STON1: variants seen among roughly 807,000 people sequenced by gnomAD.
STON1 encodes stonin-1.
A neutral mutation model predicts 60.9 loss-of-function variants in STON1; 79 were observed. That is an observed-to-expected ratio of 1.30 (90% CI 1.08 to 1.56). The LOEUF is 1.56. Among genes scored for constraint, STON1 ranks in the 40% most tolerant of loss-of-function variants. The probability of loss-of-function intolerance (pLI) is 0.00; values close to 1 mark genes in which losing one functional copy is unlikely to be tolerated. For synonymous variants in STON1, 363 were observed against 306.9 expected (o/e 1.18, Z -1.91); for missense variants, 1,166 against 858.9 (o/e 1.36, Z -4.47).
chr2:48,564,465 TTCTTC>T (rs1672769661), intron 1 of STON1, among the ~76,000 whole-genome samples: 5 of 55,606 alleles, frequency 9.0e-5, no homozygotes, highest in African/African-American at 3.4e-4. Flanking sequence ...CTTCTTCTTC[TTCTTC>T]TTCTTCTTCT....
chr2:48,579,781 G>C (rs1572629227), intron 1 of STON1, among the ~76,000 whole-genome samples: 1 of 152,132 alleles, frequency 6.6e-6, no homozygotes, highest in East Asian at 1.9e-4. Flanking sequence ...CTTCTGTCTG[G>C]ATGTTCTGTG....
intron 2 of STON1, among the ~76,000 whole-genome samples, chr2:48,585,901 G>A (rs1674182532): frequency 6.6e-6 from 1 of 152,226 alleles, no homozygotes; most frequent in Non-Finnish European, 1.5e-5. Flanking sequence ...AGCAGTTTTT[G>A]CATAGACTTG....
At chr2:48,582,906 G>T (rs1342159778) in intron 2 of STON1, among the ~76,000 whole-genome samples, 3 of 152,176 alleles carry the variant, frequency 2.0e-5, no homozygotes, top group African/African-American at 7.2e-5. Context: ...TTCTAATATA[G>T]CTGAGATTCC....
rs761973127 is a variant in STON1 at position 48,591,662 on chromosome 2, A to T, written c.1940A>T (p.His647Leu). Residue 647 changes from histidine (H) to leucine (L), a missense_variant, in exon 3 of 4, where the codon CAT becomes CTT. By Grantham distance (99) the His-to-Leu change is moderately conservative (BLOSUM62 -3). Coordinates refer to ENST00000404752, the MANE Select transcript of STON1 (RefSeq NM_006873.4). ...RLPDKNSSLD[H>L]PHCLSYKLEL... ...TTTTTTTTCCCTCGAGGTCTAGATC[A>T]TCCCCATTGTCTGTCATACAAATTA... The T allele has an allele frequency of 1.2e-6, 2 of 1,613,950 alleles. No individual in the cohort carries two copies.
At chr2:48,583,872 C>T (rs890618065) in intron 2 of STON1, among the ~76,000 whole-genome samples, 1 of 151,960 alleles carries the variant, frequency 6.6e-6, no homozygotes, top group Non-Finnish European at 1.5e-5. Flanking sequence ...CTGCCTCAGC[C>T]TCCGGAGTAG....
chr2:48,549,150 G>A (rs763024057), intron 1 of STON1, among the ~76,000 whole-genome samples: 63 of 152,102 alleles, frequency 4.1e-4, no homozygotes, highest in Admixed American at 1.2e-3. Flanking sequence ...GAATTTATCC[G>A]GGAAACAATC....
At chr2:48,560,009 A>C (rs565430407) in intron 1 of STON1, among the ~76,000 whole-genome samples, 1 of 152,306 alleles carries the variant, frequency 6.6e-6, no homozygotes, top group Non-Finnish European at 1.5e-5. Flanking sequence ...TTAGGGTATT[A>C]AATATCCTTT....
chr2:48,560,562 C>G (rs1672567153), intron 1 of STON1, among the ~76,000 whole-genome samples: 1 of 152,166 alleles, frequency 6.6e-6, no homozygotes. Context: ...TTCTGAAGGC[C>G]AGGGGTGGGC....
intron 2 of STON1, among the ~76,000 whole-genome samples, chr2:48,583,594 C>G (rs1674023434): frequency 6.7e-6 from 1 of 148,428 alleles, no homozygotes; most frequent in Non-Finnish European, 1.5e-5. Context: ...GAGCTCTTTC[C>G]TATTTTAGTT....
intron 1 of STON1, among the ~76,000 whole-genome samples, chr2:48,538,532 G>T (rs1455237707): frequency 6.7e-6 from 1 of 148,350 alleles, no homozygotes; most frequent in Non-Finnish European, 1.5e-5. Context: ...TATAAATATT[G>T]CCTCTATCTT....
At chr2:48,564,004 G>A (rs774706076) in intron 1 of STON1, among the ~76,000 whole-genome samples, 9 of 151,978 alleles carry the variant, frequency 5.9e-5, no homozygotes, top group Non-Finnish European at 1.2e-4. Flanking sequence ...TGCCCTCCAC[G>A]TGGGTTCTTA....
At chr2:48,557,107 T>G (rs1672402254) in intron 1 of STON1, among the ~76,000 whole-genome samples, 1 of 98,366 alleles carries the variant, frequency 1.0e-5, no homozygotes, top group Non-Finnish European at 2.1e-5. Flanking sequence ...ACGGGGTGGC[T>G]GCCGGGCGGA....
intron 1 of STON1, among the ~76,000 whole-genome samples, chr2:48,532,172 A>AC (rs1558558868): frequency 6.6e-6 from 1 of 151,978 alleles, no homozygotes; most frequent in African/African-American, 2.4e-5. Flanking sequence ...ACCTGATGAA[A>AC]CCCCGTCTCT....
intron 1 of STON1, among the ~76,000 whole-genome samples, chr2:48,564,446 C>A (rs1410888246): frequency 7.7e-5 from 4 of 51,816 alleles, no homozygotes; most frequent in East Asian, 4.7e-4. Context: ...TCTTCTTCTT[C>A]TTCTTCTTCT....
intron 1 of STON1, among the ~76,000 whole-genome samples, chr2:48,550,993 T>A (rs1488537734): frequency 6.6e-6 from 1 of 151,802 alleles, no homozygotes; most frequent in African/African-American, 2.4e-5. Flanking sequence ...GTAACTATTT[T>A]TTCTTTCTTT....
intron 1 of STON1, among the ~76,000 whole-genome samples, chr2:48,574,657 G>A (rs1022768152): frequency 2.2e-4 from 34 of 152,126 alleles, no homozygotes; most frequent in African/African-American, 7.5e-4. Context: ...TTTGATAAAC[G>A]AGATTGTGAA....
chr2:48,578,150 T>G (rs1673625900), intron 1 of STON1, among the ~76,000 whole-genome samples: 1 of 151,954 alleles, frequency 6.6e-6, no homozygotes, highest in Admixed American at 6.6e-5. Context: ...AATTTTTTTG[T>G]ATTTATAGTA....
At chr2:48,543,153 C>T (rs1226924833) in intron 1 of STON1, among the ~76,000 whole-genome samples, 1 of 151,610 alleles carries the variant, frequency 6.6e-6, no homozygotes, top group Admixed American at 6.6e-5. Flanking sequence ...TTTTGTATTT[C>T]TAGTAGAGAT....
intron 1 of STON1, among the ~76,000 whole-genome samples, chr2:48,559,469 C>T (rs1672520129): frequency 6.6e-6 from 1 of 152,152 alleles, no homozygotes; most frequent in South Asian, 2.1e-4. Context: ...TAATTCTGTT[C>T]ATAAGGTCAG....
Sources: allele counts gnomAD v4.1 joint callset (sites outside exome capture counted in the v4.1 genomes callset), GRCh38; gene constraint gnomAD v4.1.1; transcripts MANE v1.5; gene names NCBI Gene and HGNC (gene_info 2026-07-23, HGNC 2026-07-21).